The following AAAS variants were observed in gnomAD, a reference collection of about 807,000 sequenced individuals.
The protein encoded by AAAS is aladin.
A neutral mutation model predicts 75.6 loss-of-function variants in AAAS; 60 were observed. The ratio of observed to expected loss-of-function variants is 0.79; its 90% CI spans 0.64 to 0.98. The LOEUF is 0.98. AAAS is among the 50% of genes least tolerant of loss of function. AAAS has a pLI of 0.00. For missense variants in AAAS, 658 were observed against 686.9 expected, an observed-to-expected ratio of 0.96 and a Z score of 0.47; for synonymous variants, 271 against 265.0, an observed-to-expected ratio of 1.02 and a Z score of -0.22.
rs201620425 is a variant in AAAS at position 53,320,731 on chromosome 12, C to A, written c.124-39G>T. The A allele has an allele frequency of 2.5e-6, 4 of 1,609,914 alleles. No individual in the cohort carries two copies. In the East Asian group the frequency reaches 8.9e-5, roughly 36 times the overall value. ...GTGAGGAGTGTGACGGTGATTCAGT[C>A]TCTTCCCAAATCTTTAATTCCGTGC... On this transcript the variant is annotated intron_variant, in intron 1 of 15. Transcript: ENST00000209873.
In AAAS at chr12:53,308,453, G is replaced by A. The variant is rs1329759942; in HGVS notation, c.1163C>T (p.Thr388Ile). 3.1e-6 allele frequency: 5 copies of A among 1,614,036 alleles called. No individual in the cohort carries two copies. In the African/African-American group the frequency reaches 4.0e-5, roughly 13 times the overall value. ...AGCTCACCTCTCCTCACCATCTGGT[G>A]TCTGTATTGTTGTCTCAGACAGATC... Reference protein sequence around the residue: ...VADLSETTIQTPDGEERLGGE... With the variant: ...VADLSETTIQIPDGEERLGGE... Residue 388 changes from threonine to isoleucine, a missense_variant, in exon 12 of 16, where the codon ACA becomes ATA. Physicochemically the swap from Thr to Ile is moderately conservative, Grantham distance 89. Coordinates refer to ENST00000209873, the MANE Select transcript of AAAS (RefSeq NM_015665.6).
chr12:53,318,541 A>C (rs1459398052), intron 2 of AAAS, among the ~76,000 whole-genome samples: 3 of 152,130 alleles, frequency 2.0e-5, no homozygotes, highest in Non-Finnish European at 2.9e-5. Flanking sequence ...TGAGAGAACA[A>C]AGGTGTGAAG....
intron 2 of AAAS, among the ~76,000 whole-genome samples, chr12:53,318,506 C>T (rs937638445): frequency 2.0e-5 from 3 of 152,080 alleles, no homozygotes; most frequent in African/African-American, 7.2e-5. Flanking sequence ...AGCTTCCGCG[C>T]CCAGACTATC....
intron 8 of AAAS, 136 bp from the exon 9 acceptor site, chr12:53,309,417 A>C (rs1175086630): frequency 6.6e-7 from 1 of 1,512,068 alleles, no homozygotes; most frequent in African/African-American, 1.4e-5. Flanking sequence ...GCACGGGTTC[A>C]TGCTGACAAT....
intron 7 of AAAS, among the ~76,000 whole-genome samples, chr12:53,311,742 CCT>C (rs562858950): frequency 2.4e-3 from 370 of 152,074 alleles, no homozygotes; most frequent in African/African-American, 8.2e-3. Context: ...TGGTGAAACC[CCT>C]GTCTCTACTA....
rs2136821176 is a variant in AAAS at position 53,320,674 on chromosome 12, G to C, written c.142C>G (p.Leu48Val). The change falls in exon 2 of 16, where the codon CTA (leucine) becomes GTA (valine). Residue 48 changes from leucine (L) to valine (V), a missense_variant. Physicochemically the swap from Leu to Val is conservative, Grantham distance 32 (BLOSUM62 1). Transcript: ENST00000209873. ...TTTAGGGGATCCTTTGTCAGTTGTA[G>C]GACAGGAAGATTGATCCACTATAGC... is the stretch of plus-strand genomic sequence containing the variant. ...FRGQWINLPV[L>V]QLTKDPLKTP... 10 of 1,614,074 alleles carry C rather than the reference G, an allele frequency of 6.2e-6. No homozygotes were observed. In the South Asian group the frequency reaches 6.6e-5, roughly 11 times the overall value.
intron 6 of AAAS, 139 bp downstream of exon 6, chr12:53,314,612 G>T: frequency 7.6e-7 from 1 of 1,311,252 alleles, no homozygotes; most frequent in Non-Finnish European, 1.1e-6. Flanking sequence ...CACGCATCCA[G>T]TTATGGAGCT....
At chr12:53,314,939 T>A in intron 5 of AAAS, 90 bp from the exon 6 acceptor site, 1 of 1,493,588 alleles carries the variant, frequency 6.7e-7, no homozygotes, top group Non-Finnish European at 9.3e-7. Flanking sequence ...ACATGGTTTT[T>A]TCCTACTTTT....
chr12:53,316,751 A>ATGCTGT (rs1944468109), intron 2 of AAAS, among the ~76,000 whole-genome samples: 1 of 123,304 alleles, frequency 8.1e-6, no homozygotes, highest in East Asian at 2.5e-4. Context: ...ACAGAGCAAG[A>ATGCTGT]CTCCATCTCA....
chr12:53,314,748 C>T lies in AAAS; in HGVS notation c.545+3G>A, dbSNP rs1362126344. On this transcript the variant is annotated splice_donor_region_variant and intron_variant, in intron 6 of 15. Coordinates refer to ENST00000209873, the MANE Select transcript of AAAS (RefSeq NM_015665.6). ...AGAGCCCACCTGGTGTCCCCACACA[C>T]ACCTGCTGGCATTATACACACGGAC... The T allele has an allele frequency of 3.1e-6, 5 of 1,612,944 alleles. No homozygotes were observed. The African/African-American group carries it at 4.0e-5, about 13-fold the overall frequency.
intron 7 of AAAS, 103 bp downstream of exon 7, chr12:53,314,195 G>T: frequency 1.3e-6 from 2 of 1,500,572 alleles, no homozygotes; most frequent in Non-Finnish European, 1.9e-6. Context: ...CCTGGGAAGT[G>T]CTGTGAGGAC....
chr12:53,319,300 A>G (rs1944515308), intron 2 of AAAS, among the ~76,000 whole-genome samples: 1 of 151,572 alleles, frequency 6.6e-6, no homozygotes, highest in South Asian at 2.1e-4. Context: ...TGATCCTCCT[A>G]TACATAAGCC....
Position 53,314,857 on chromosome 12 carries a change from A to C in AAAS, c.447-8T>G, listed in dbSNP as rs1284014656. 1 of 1,611,926 alleles carries C rather than the reference A, an allele frequency of 6.2e-7. No individual in the cohort carries two copies. Among genetic ancestry groups the C allele is most frequent in the Admixed American group, 1.7e-5 (1 of 59,590 alleles). On this transcript the variant is annotated splice_polypyrimidine_tract_variant and splice_region_variant and intron_variant, in intron 5 of 15. Coordinates refer to ENST00000209873, the MANE Select transcript of AAAS (RefSeq NM_015665.6). Reference sequence around the variant, plus strand: ...CGCAAGCAGCAGCTGGACCTAAGGAAGGGGTTAACATGAAGAGTTCCTGCA... The same window carrying C: ...CGCAAGCAGCAGCTGGACCTAAGGACGGGGTTAACATGAAGAGTTCCTGCA...
Position 53,315,114 on chromosome 12 carries a change from T to C in AAAS, c.426A>G (p.Glu142=). The change falls in exon 5 of 16, where the codon GAA becomes GAG. Residue 142 remains glutamate, a synonymous_variant. Coordinates refer to ENST00000209873, the MANE Select transcript of AAAS (RefSeq NM_015665.6). Reference sequence around the variant, plus strand: ...CTCACCAATTTGTGACTTGGGCAAATTCAGCGATCAGATCTTCGCTCCTGA... The same window carrying C: ...CTCACCAATTTGTGACTTGGGCAAACTCAGCGATCAGATCTTCGCTCCTGA... The part of the protein sequence containing the change: ...LSLRSEDLIA[E]FAQVTNWSSC... The C allele has an allele frequency of 1.9e-6, 3 of 1,614,150 alleles. No individual in the cohort carries two copies. The highest frequency in any genetic ancestry group is 2.5e-6 in the Non-Finnish European group (3 of 1,180,024).
At chr12:53,309,339 G>A in intron 8 of AAAS, 58 bp from the exon 9 acceptor site, 1 of 1,609,102 alleles carries the variant, frequency 6.2e-7, no homozygotes, top group Non-Finnish European at 8.5e-7. Context: ...TCTCACAGTG[G>A]GCTGGCCTCT....
At chr12:53,311,873 C>T (rs1376591972) in intron 7 of AAAS, among the ~76,000 whole-genome samples, 2 of 151,598 alleles carry the variant, frequency 1.3e-5, no homozygotes, top group South Asian at 2.1e-4. Flanking sequence ...GCTGAGATGG[C>T]GCCACTGCAC....
At chr12:53,314,955 T>C (rs1944440764) in intron 5 of AAAS, 106 bp from the exon 6 acceptor site, 1 of 1,485,062 alleles carries the variant, frequency 6.7e-7, no homozygotes, top group African/African-American at 1.4e-5. Context: ...CTTTTTCTTG[T>C]ATTCTTTTTT....
intron 2 of AAAS, among the ~76,000 whole-genome samples, chr12:53,318,503 G>A (rs1411908216): frequency 1.3e-5 from 2 of 152,034 alleles, no homozygotes; most frequent in African/African-American, 4.8e-5. Context: ...ATGAGCTTCC[G>A]CGCCCAGACT....
In AAAS at chr12:53,320,712, A is replaced by G. The variant is rs4759231; in HGVS notation, c.124-20T>C. ...GATCCACTATAGCACAAAAGTGAGG[A>G]GTGTGACGGTGATTCAGTCTCTTCC... On this transcript the variant is annotated intron_variant, in intron 1 of 15. Coordinates refer to ENST00000209873, the MANE Select transcript of AAAS (RefSeq NM_015665.6). 0.99 allele frequency: 1,591,502 copies of G among 1,613,556 alleles called. 787,322 individuals are homozygous for G. Among genetic ancestry groups the G allele is most frequent in the East Asian group, 1 (44,868 of 44,868 alleles).
Sources: gnomAD v4.1 joint callset for allele counts (sites outside exome capture counted in the v4.1 genomes callset) on GRCh38, gnomAD v4.1.1 for gene constraint, MANE v1.5 for transcripts, NCBI Gene and HGNC (gene_info 2026-07-23, HGNC 2026-07-21) for gene names.